The following ZFAND3 variants were observed in gnomAD, a reference collection of about 807,000 sequenced individuals.
ZFAND3 encodes the protein AN1-type zinc finger protein 3.
Under a neutral mutation model 29.6 loss-of-function variants are expected in ZFAND3, and 10 were observed. That is an observed-to-expected ratio of 0.34 (90% CI 0.21 to 0.57). ZFAND3 has a LOEUF of 0.57. Ranked by LOEUF, ZFAND3 falls within the 20% of genes least tolerant of loss-of-function variation. ZFAND3 has a pLI of 0.86. For missense variants in ZFAND3, 230 were observed against 304.5 expected (o/e 0.76, Z 1.82); for synonymous variants, 128 against 112.6 (o/e 1.14, Z -0.87).
chr6:37,895,261 TCTG>T (rs2127398310), intron 1 of ZFAND3, among the ~76,000 whole-genome samples: 1 of 152,028 alleles, frequency 6.6e-6, no homozygotes, highest in South Asian at 2.1e-4. Context: ...CATTGCTTAA[TCTG>T]CTCTTAATTT....
rs781526104 is a variant in ZFAND3 at position 37,891,759 on chromosome 6, C to T, written c.72-38200C>T. On this transcript the variant is annotated intron_variant, in intron 1 of 5. Transcript: ENST00000287218. ...TTTTGTTGTTGTTGAGACTGAGTCT[C>T]GCTCTGTCGCTTAGGCTGGAGTGCA... Among the ~76,000 whole-genome samples, 8 of 152,142 alleles carry T rather than the reference C, an allele frequency of 5.3e-5. No homozygotes were observed. The South Asian group carries it at 8.3e-4, about 16-fold the overall frequency.
chr6:38,104,056 T>TAAAA (rs905522775), intron 4 of ZFAND3, among the ~76,000 whole-genome samples: 8 of 152,162 alleles, frequency 5.3e-5, no homozygotes, highest in Non-Finnish European at 1.2e-4. Flanking sequence ...ATGGAGAAGC[T>TAAAA]AAAACAAGGA....
chr6:38,143,299 G>A (rs1766001538), intron 5 of ZFAND3: 3 of 152,354 alleles, frequency 2.0e-5, no homozygotes, highest in Admixed American at 6.5e-5. Flanking sequence ...AAAATGGCAT[G>A]TGTACAAACT....
At chr6:38,058,903 C>T (rs982345842) in intron 2 of ZFAND3, among the ~76,000 whole-genome samples, 3 of 152,142 alleles carry the variant, frequency 2.0e-5, no homozygotes, top group African/African-American at 2.4e-5. Flanking sequence ...ACATAATAAA[C>T]GCATCATAAA....
rs549748926 is a variant in ZFAND3, at chr6:37,874,082, G to T, written c.71+54066G>T. 3.9e-5 allele frequency among the ~76,000 whole-genome samples: 6 copies of T among 152,256 alleles called. No homozygotes were observed. In the South Asian group the frequency reaches 1.0e-3, roughly 26 times the overall value. ...TGAAGGCTGTAAGTCTGAAATCAAG[G>T]TTTGTTGGCAGGGTTTGTTCCTCTT... On this transcript the variant is annotated intron_variant, in intron 1 of 5. Transcript: ENST00000287218.
intron 2 of ZFAND3, among the ~76,000 whole-genome samples, chr6:38,011,126 CTCAT>C (rs1215143896): frequency 2.0e-5 from 3 of 152,078 alleles, no homozygotes; most frequent in Non-Finnish European, 2.9e-5. Context: ...ACGTTTGGGA[CTCAT>C]TCATGTTGTT....
At chr6:37,896,630 T>TTGCCTTCC (rs924536974) in intron 1 of ZFAND3, among the ~76,000 whole-genome samples, 1 of 147,724 alleles carries the variant, frequency 6.8e-6, no homozygotes, top group Non-Finnish European at 1.5e-5. Flanking sequence ...TCTTTCTTTC[T>TTGCCTTCC]TGCCTTCCTG....
intron 1 of ZFAND3, among the ~76,000 whole-genome samples, chr6:37,892,219 A>G (rs1765118122): frequency 6.6e-6 from 1 of 152,260 alleles, no homozygotes; most frequent in African/African-American, 2.4e-5. Context: ...AAATTACAGC[A>G]TACTCTTAAA....
chr6:37,978,407 TTGTC>T (rs1176040725), intron 2 of ZFAND3, among the ~76,000 whole-genome samples: 5 of 152,152 alleles, frequency 3.3e-5, no homozygotes, highest in African/African-American at 7.2e-5. Context: ...TGTAATGTCT[TTGTC>T]TGGTTTTGTT....
At chr6:37,856,620 A>G (rs1764388492) in intron 1 of ZFAND3, among the ~76,000 whole-genome samples, 1 of 152,184 alleles carries the variant, frequency 6.6e-6, no homozygotes, top group Non-Finnish European at 1.5e-5. Context: ...TTTAAGTTCT[A>G]AACTCCTCAA....
intron 2 of ZFAND3, among the ~76,000 whole-genome samples, chr6:37,934,096 C>T (rs1052384822): frequency 6.6e-6 from 1 of 151,894 alleles, no homozygotes; most frequent in Non-Finnish European, 1.5e-5. Context: ...CCATGTTGGT[C>T]ACAGTGGCCT....
At chr6:37,891,593 T>TAATA (rs553817148) in intron 1 of ZFAND3, among the ~76,000 whole-genome samples, 27 of 131,020 alleles carry the variant, frequency 2.1e-4, no homozygotes, top group African/African-American at 1.6e-4. Flanking sequence ...AATAAATAAA[T>TAATA]AATAAATAAA....
In ZFAND3 at chr6:37,884,286, G is replaced by C. The variant is rs77189006; in HGVS notation, c.72-45673G>C. Reference sequence around the variant, plus strand: ...AGGTGGGTGGATCACCTGAGGTCGAGAGTTTGAGACCAGCCTGGCCAACAC... The same window carrying C: ...AGGTGGGTGGATCACCTGAGGTCGACAGTTTGAGACCAGCCTGGCCAACAC... On this transcript the variant is annotated intron_variant, in intron 1 of 5. Transcript: ENST00000287218. 0.011 allele frequency among the ~76,000 whole-genome samples: 1,570 copies of C among 144,272 alleles called. 159 individuals carry two copies. The East Asian group carries it at 0.17, about 15-fold the overall frequency. 94.6% of individuals were successfully genotyped at this position (144,272 alleles called of 152,430 possible).
chr6:37,995,059 A>G (rs1230130631), intron 2 of ZFAND3, among the ~76,000 whole-genome samples: 1 of 152,232 alleles, frequency 6.6e-6, no homozygotes, highest in Non-Finnish European at 1.5e-5. Context: ...ATGAGAGAGT[A>G]AAAGTTGGGG....
At chr6:37,938,219 G>A (rs1761738451) in intron 2 of ZFAND3, among the ~76,000 whole-genome samples, 1 of 152,156 alleles carries the variant, frequency 6.6e-6, no homozygotes, top group Non-Finnish European at 1.5e-5. Flanking sequence ...AACTAATCAT[G>A]TTGACACGTT....
At chr6:38,065,738 A>G (rs990453849) in intron 3 of ZFAND3, among the ~76,000 whole-genome samples, 20 of 152,226 alleles carry the variant, frequency 1.3e-4, no homozygotes, top group Non-Finnish European at 8.8e-5. Flanking sequence ...TTCAGTCACT[A>G]TAAGATATTG....
At chr6:38,004,180 A>T (rs1055624041) in intron 2 of ZFAND3, among the ~76,000 whole-genome samples, 1 of 152,148 alleles carries the variant, frequency 6.6e-6, no homozygotes, top group East Asian at 1.9e-4. Flanking sequence ...ATGGGAAGGG[A>T]TTCCAGTTTG....
intron 1 of ZFAND3, among the ~76,000 whole-genome samples, chr6:37,872,460 T>C (rs1306368845): frequency 6.6e-6 from 1 of 152,144 alleles, no homozygotes; most frequent in Non-Finnish European, 1.5e-5. Context: ...TGTTGAAATA[T>C]ATCATACACA....
intron 2 of ZFAND3, among the ~76,000 whole-genome samples, chr6:37,991,724 G>T (rs1386829105): frequency 1.3e-5 from 2 of 152,124 alleles, no homozygotes; most frequent in Non-Finnish European, 2.9e-5. Flanking sequence ...CTTCAGTTAA[G>T]TATTCATTTA....
Sources: gnomAD v4.1 joint callset for allele counts (sites outside exome capture counted in the v4.1 genomes callset) on GRCh38, gnomAD v4.1.1 for gene constraint, MANE v1.5 for transcripts, NCBI Gene and HGNC (gene_info 2026-07-23, HGNC 2026-07-21) for gene names.